Variants in ZNF391 observed in about 807,000 individuals in gnomAD.
ZNF391 encodes zinc finger protein 391.
For missense variants in ZNF391, 375 were observed against 425.5 expected (o/e 0.88, Z 1.04); for synonymous variants, 126 against 142.1 (o/e 0.89, Z 0.80).
At position 27,401,683 on chromosome 6, in the gene ZNF391, CTT is replaced by C. The variant is rs1761974803; in HGVS notation, c.*239_*240del. On this transcript the variant is annotated 3_prime_UTR_variant, in exon 3 of 3. Transcript: ENST00000244576. ...CTCCCTCTCCCTGTTCTTTCTTTCT[CTT>C]TTCTCAAATAAGTTCACAATAAAAC... 1 of 376,046 alleles carries C rather than the reference CTT, an allele frequency of 2.7e-6. No homozygotes were observed. 23.3% of individuals were successfully genotyped at this position (376,046 alleles called of 1,614,324 possible).
chr6:27,401,520 C>G lies in ZNF391; in HGVS notation c.*73C>G. On this transcript the variant is annotated 3_prime_UTR_variant, in exon 3 of 3. Transcript: ENST00000244576. ...TCCCACCACTGAAATATATATATTT[C>G]AAGTATATATATACTTGTTCTAATT... 1.8e-6 allele frequency: 2 copies of G among 1,134,152 alleles called. No individual in the cohort carries two copies. The highest frequency in any genetic ancestry group is 2.5e-6 in the Non-Finnish European group (2 of 805,054). 70.3% of individuals were successfully genotyped at this position (1,134,152 alleles called of 1,614,324 possible). A position where few individuals can be genotyped will look rare whatever the true frequency, so the allele number is the denominator to read the frequency against.
chr6:27,387,753 C>T (rs1166728115), upstream of ZNF391, among the ~76,000 whole-genome samples: 1 of 152,142 alleles, frequency 6.6e-6, no homozygotes. Flanking sequence ...ATAGAGACTG[C>T]TCAATGGGCA....
At chr6:27,389,760 C>T (rs891824011) in intron 1 of ZNF391, among the ~76,000 whole-genome samples, 2 of 152,132 alleles carry the variant, frequency 1.3e-5, no homozygotes, top group Admixed American at 6.5e-5. Flanking sequence ...GCAGAGACCA[C>T]GCCACTGCAC....
intron 1 of ZNF391, among the ~76,000 whole-genome samples, chr6:27,392,838 A>T (rs1425358019): frequency 6.6e-6 from 1 of 152,250 alleles, no homozygotes; most frequent in Admixed American, 6.5e-5. Context: ...CCTTGTGCCA[A>T]ATTACTTAAC....
In ZNF391 at chr6:27,377,582, CT is replaced by C. The variant is rs2113635183; in HGVS notation, n.523+2447del. On this transcript the variant is annotated intron_variant and non_coding_transcript_variant, in intron 1 of 2. Transcript: ENST00000477999. ...TGGAAGCTCCCTCCCAGCTTCATGT[CT>C]TCCTGACTTTGCTTCAAGTTGTCCT... 2.0e-5 allele frequency among the ~76,000 whole-genome samples: 3 copies of C among 152,340 alleles called. No individual in the cohort carries two copies. The South Asian group carries it at 6.2e-4, about 32-fold the overall frequency.
Position 27,401,546 on chromosome 6 carries a change from TTC to T in ZNF391, c.*101_*102del. On this transcript the variant is annotated 3_prime_UTR_variant, in exon 3 of 3. Transcript: ENST00000244576. ...AAGTATATATATACTTGTTCTAATT[TTC>T]TTTTATTAGATACCTATACCCGTTT... 1.1e-6 allele frequency: 1 copy of T among 921,778 alleles called. No homozygotes were observed. Among genetic ancestry groups the T allele is most frequent in the Non-Finnish European group, 1.6e-6 (1 of 640,900 alleles). The allele number at this position is 921,778 out of a possible 1,614,324, so 57.1% of individuals were successfully genotyped here. A position where few individuals can be genotyped will look rare whatever the true frequency, so the allele number is the denominator to read the frequency against.
At chr6:27,395,778 G>T (rs9461380) in intron 1 of ZNF391, among the ~76,000 whole-genome samples, 107,603 of 151,994 alleles carry the variant, frequency 0.71, 38,310 homozygotes, top group Middle Eastern at 0.82. Context: ...AGTGAGACAA[G>T]TTGCAAAAAT....
intron 1 of ZNF391, among the ~76,000 whole-genome samples, chr6:27,383,560 C>T (rs1281892975): frequency 2.6e-5 from 4 of 152,032 alleles, no homozygotes; most frequent in Non-Finnish European, 5.9e-5. Flanking sequence ...GGGTGAGGGC[C>T]CTCTTCTGGG....
Position 27,376,910 on chromosome 6 carries a change from G to A in ZNF391, n.523+1773G>A, listed in dbSNP as rs1761427804. Among the ~76,000 whole-genome samples the A allele has an allele frequency of 1.3e-5, 2 of 152,084 alleles. No individual in the cohort carries two copies. Among genetic ancestry groups the A allele is most frequent in the South Asian group, 4.1e-4 (2 of 4,822 alleles). ...CATTCTTGTGAAGTTTGTAAAACTA[G>A]GTATTTGGGTGCCTCCTGCCTTGAG... On this transcript the variant is annotated intron_variant and non_coding_transcript_variant, in intron 1 of 2. Coordinates refer to the ZNF391 transcript ENST00000477999. The surrounding 1 kb of genome is among the most constrained non-coding windows in gnomAD (Gnocchi z 4.7).
chr6:27,400,762 A>T lies in ZNF391; in HGVS notation c.392A>T (p.His131Leu). The T allele has an allele frequency of 2.5e-6, 4 of 1,614,244 alleles. No homozygotes were observed. Among genetic ancestry groups the T allele is most frequent in the Non-Finnish European group, 3.4e-6 (4 of 1,180,034 alleles). The change falls in exon 3 of 3, where the codon CAT (histidine) becomes CTT (leucine). Residue 131 changes from histidine (H) to leucine (L), a missense_variant. His to Leu is a moderately conservative substitution (Grantham distance 99). Transcript: ENST00000244576. ...GACCTTCTTGTACACAGTAGAATTC[A>T]TGGTGGAGAAAAGCCTTTTGAATGC... ...QSDLLVHSRI[H>L]GGEKPFECNK...
chr6:27,391,683 C>T (rs1433512241), intron 1 of ZNF391, among the ~76,000 whole-genome samples: 4 of 152,162 alleles, frequency 2.6e-5, no homozygotes, highest in East Asian at 1.9e-4. Context: ...CTTTTCTGAA[C>T]GTGTGTTTCA....
chr6:27,400,247 C>A, intron 2 of ZNF391, 46 bp from the exon 3 acceptor site: 1 of 779,636 alleles, frequency 1.3e-6, no homozygotes, highest in Non-Finnish European at 2.0e-6. Flanking sequence ...TTTCTTTGCT[C>A]TCCATAGTAG....
At position 27,380,730 on chromosome 6, in the gene ZNF391, A is replaced by C. The variant is rs1250933930; in HGVS notation, n.523+5593A>C. Among the ~76,000 whole-genome samples, 4 of 17,858 alleles carry C rather than the reference A, an allele frequency of 2.2e-4. No individual in the cohort carries two copies. The Admixed American group carries it at 2.4e-3, about 11-fold the overall frequency. The allele number at this position is 17,858 out of a possible 152,430, so 11.7% of individuals were successfully genotyped here. A position where few individuals can be genotyped will look rare whatever the true frequency, so the allele number is the denominator to read the frequency against. ...TCCACGTCCCCACCAGATTAGCTAG[A>C]TACAGAGGGTTGACACAAAGGTTCT... On this transcript the variant is annotated intron_variant and non_coding_transcript_variant, in intron 1 of 2. Transcript: ENST00000477999.
At chr6:27,398,723 G>T (rs1301401338) in intron 1 of ZNF391, among the ~76,000 whole-genome samples, 1 of 152,092 alleles carries the variant, frequency 6.6e-6, no homozygotes, top group Non-Finnish European at 1.5e-5. Context: ...CCGGGGTGTG[G>T]TGGCGAGCAC....
At chr6:27,393,903 G>A (rs928979096) in intron 1 of ZNF391, among the ~76,000 whole-genome samples, 13 of 152,212 alleles carry the variant, frequency 8.5e-5, no homozygotes, top group African/African-American at 2.4e-4. Flanking sequence ...TCAGAGTGTT[G>A]ATTTAGGGTA....
At position 27,400,465 on chromosome 6, in the gene ZNF391, C is replaced by T. The variant is rs1761923245; in HGVS notation, c.95C>T (p.Ala32Val). 16 of 1,614,012 alleles carry T rather than the reference C, an allele frequency of 9.9e-6. No homozygotes were observed. The highest frequency in any genetic ancestry group is 2.7e-5 in the African/African-American group (2 of 74,916). ...TTATCAAGGCAAACAAAATGTCCTGCACAGAAGAAATCCTCTTTTGAGAAC... is the reference window on the plus strand; with the variant it reads ...TTATCAAGGCAAACAAAATGTCCTGTACAGAAGAAATCCTCTTTTGAGAAC... ...GQLSRQTKCP[A>V]QKKSSFENTV... Residue 32 changes from alanine to valine, a missense_variant, in exon 3 of 3, where the codon GCA becomes GTA. Ala to Val is a moderately conservative substitution (Grantham distance 64). Transcript: ENST00000244576.
chr6:27,401,158 C>G lies in ZNF391; in HGVS notation c.788C>G (p.Ser263Trp). The change falls in exon 3 of 3, where the codon TCG (serine) becomes TGG (tryptophan). Residue 263 changes from serine to tryptophan, a missense_variant. By Grantham distance (177) the Ser-to-Trp change is radical. Coordinates refer to ENST00000244576, the MANE Select transcript of ZNF391 (RefSeq NM_001076781.3). Reference protein sequence around the residue: ...KCGKAFSWISSLTEHQRTHTG... With the variant: ...KCGKAFSWISWLTEHQRTHTG... ...GGAAAAGCTTTCAGTTGGATCTCAT[C>G]GCTTACTGAACATCAGAGAACACAC... 6.2e-7 allele frequency: 1 copy of G among 1,614,140 alleles called. No homozygotes were observed. Among genetic ancestry groups the G allele is most frequent in the East Asian group, 2.2e-5 (1 of 44,882 alleles).
Position 27,402,272 on chromosome 6 carries a change from C to G in ZNF391, c.*825C>G, listed in dbSNP as rs1200827541. On this transcript the variant is annotated 3_prime_UTR_variant, in exon 3 of 3. Coordinates refer to ENST00000244576, the MANE Select transcript of ZNF391 (RefSeq NM_001076781.3). ...TCTTTCATTTACAGATTTCATGAAA[C>G]TTATATTCTGTGGCTTTGACCCTCA... The G allele has an allele frequency of 6.6e-6, 1 of 152,026 alleles. No individual in the cohort carries two copies. 9.4% of individuals were successfully genotyped at this position (152,026 alleles called of 1,614,324 possible). A position where few individuals can be genotyped will look rare whatever the true frequency, so the allele number is the denominator to read the frequency against.
In ZNF391 at chr6:27,400,322, C is replaced by T; in HGVS notation, c.-49C>T. 1.4e-6 allele frequency: 2 copies of T among 1,455,040 alleles called. No homozygotes were observed. Among genetic ancestry groups the T allele is most frequent in the Non-Finnish European group, 1.9e-6 (2 of 1,072,174 alleles). 90.1% of individuals were successfully genotyped at this position (1,455,040 alleles called of 1,614,324 possible). On this transcript the variant is annotated 5_prime_UTR_variant, in exon 3 of 3. Coordinates refer to ENST00000244576, the MANE Select transcript of ZNF391 (RefSeq NM_001076781.3). ...GGGGATTTGAGCTGAACCAAAGCAT[C>T]AACACCAATCAGACTGTTTCCGAAG...
Sources: gnomAD v4.1 joint callset for allele counts (sites outside exome capture counted in the v4.1 genomes callset) on GRCh38, gnomAD v4.1.1 for gene constraint, Gnocchi (gnomAD v3.1) non-coding constraint, MANE v1.5 for transcripts, NCBI Gene and HGNC (gene_info 2026-07-23, HGNC 2026-07-21) for gene names.